KDM4B: variants seen among roughly 807,000 people sequenced by gnomAD.
The protein encoded by KDM4B is lysine-specific demethylase 4B.
Under a neutral mutation model 125.2 loss-of-function variants are expected in KDM4B, and 32 were observed. The observed-to-expected ratio is 0.26, with a 90% confidence interval of 0.19 to 0.34. The LOEUF is 0.34. Ranked by LOEUF, KDM4B falls within the 10% of genes least tolerant of loss-of-function variation. The pLI, the probability that KDM4B is intolerant of heterozygous loss-of-function variation, is 1.00. For missense variants in KDM4B, 1,190 were observed against 1,577.7 expected, an observed-to-expected ratio of 0.75 and a Z score of 4.16; for synonymous variants, 721 against 677.9, an observed-to-expected ratio of 1.06 and a Z score of -0.99.
chr19:5,007,150 A>T (rs2035586502), intron 1 of KDM4B, among the ~76,000 whole-genome samples: 1 of 152,182 alleles, frequency 6.6e-6, no homozygotes, highest in African/African-American at 2.4e-5. Context: ...TCCATCTCCC[A>T]TTTGAGAGTT....
chr19:5,000,018 T>TATCC (rs1196720066), intron 1 of KDM4B, among the ~76,000 whole-genome samples: 6 of 82,372 alleles, frequency 7.3e-5, no homozygotes, highest in Non-Finnish European at 1.1e-4. Flanking sequence ...CCTATCCATC[T>TATCC]ATCCATCCAT....
At chr19:5,025,467 C>A (rs1327322059) in intron 2 of KDM4B, among the ~76,000 whole-genome samples, 1 of 152,252 alleles carries the variant, frequency 6.6e-6, no homozygotes, top group Non-Finnish European at 1.5e-5. Flanking sequence ...GGTTGCATGC[C>A]CTGGAAGCCA....
chr19:5,026,240 C>T (rs538827133), intron 2 of KDM4B, among the ~76,000 whole-genome samples: 2 of 150,262 alleles, frequency 1.3e-5, no homozygotes, highest in Non-Finnish European at 3.0e-5. Context: ...GTCCCCCAGC[C>T]AGGAGCAGCT....
chr19:5,110,512 G>T (rs2039119155), intron 9 of KDM4B, 110 bp from the exon 10 acceptor site: 2 of 962,278 alleles, frequency 2.1e-6, no homozygotes, highest in East Asian at 4.9e-5. Context: ...TCAGCGGTGG[G>T]ATGGGGTGTG....
chr19:5,136,853 A>C (rs577255841), intron 15 of KDM4B, among the ~76,000 whole-genome samples: 2 of 152,098 alleles, frequency 1.3e-5, no homozygotes, highest in African/African-American at 4.8e-5. Context: ...TTCCAGACCC[A>C]GGGCCACATC....
At chr19:5,133,213 G>A (rs1335433107) in intron 13 of KDM4B, among the ~76,000 whole-genome samples, 1 of 152,168 alleles carries the variant, frequency 6.6e-6, no homozygotes, top group Non-Finnish European at 1.5e-5. Flanking sequence ...GAGTTCAATG[G>A]GAACAGGCAA....
chr19:5,096,791 G>A (rs2038834942), intron 9 of KDM4B, among the ~76,000 whole-genome samples: 1 of 148,186 alleles, frequency 6.7e-6, no homozygotes, highest in East Asian at 2.0e-4. Flanking sequence ...CCTGCCTGGT[G>A]GAGGAGGTGT....
chr19:5,044,627 C>T (rs1056790249), intron 5 of KDM4B, among the ~76,000 whole-genome samples: 3 of 152,184 alleles, frequency 2.0e-5, no homozygotes, highest in African/African-American at 7.2e-5. Flanking sequence ...CAGCTCTCTG[C>T]AACCTTGCCT....
At chr19:4,983,001 G>A (rs1200721115) in intron 1 of KDM4B, among the ~76,000 whole-genome samples, 1 of 152,170 alleles carries the variant, frequency 6.6e-6, no homozygotes, top group Non-Finnish European at 1.5e-5. Flanking sequence ...GAGTTAAAAG[G>A]TGAAGAGAAA....
intron 1 of KDM4B, among the ~76,000 whole-genome samples, chr19:4,984,257 G>T (rs1048305397): frequency 6.6e-6 from 1 of 152,122 alleles, no homozygotes; most frequent in Non-Finnish European, 1.5e-5. Context: ...TTTTTCTCTG[G>T]GCTTGTTTCT....
At chr19:5,146,693 G>A (rs1209041521) in intron 21 of KDM4B, among the ~76,000 whole-genome samples, 2 of 151,110 alleles carry the variant, frequency 1.3e-5, no homozygotes, top group Non-Finnish European at 2.9e-5. Context: ...TTGGGAGGCC[G>A]AGGCAGGAGG....
intron 2 of KDM4B, 61 bp from the exon 3 acceptor site, chr19:5,032,805 G>A (rs1482458814): frequency 1.3e-5 from 19 of 1,472,614 alleles, no homozygotes; most frequent in Admixed American, 1.9e-5. Flanking sequence ...GAGGGAGGAC[G>A]GGCTCCAAGG....
chr19:5,129,238 G>A (rs1048863388), intron 11 of KDM4B, among the ~76,000 whole-genome samples: 3 of 152,156 alleles, frequency 2.0e-5, no homozygotes, highest in Non-Finnish European at 4.4e-5. Context: ...TGTGGGCTGG[G>A]GGCCCCTTGT....
intron 9 of KDM4B, among the ~76,000 whole-genome samples, chr19:5,108,948 C>T (rs1182928397): frequency 6.6e-6 from 1 of 152,208 alleles, no homozygotes; most frequent in African/African-American, 2.4e-5. Flanking sequence ...TGGCCCTCCC[C>T]CATGCCTGTG....
At chr19:4,983,017 G>A (rs2034698657) in intron 1 of KDM4B, among the ~76,000 whole-genome samples, 1 of 152,044 alleles carries the variant, frequency 6.6e-6, no homozygotes, top group Admixed American at 6.6e-5. Context: ...AGAAATGGGG[G>A]AAATTAATTA....
intron 13 of KDM4B, among the ~76,000 whole-genome samples, chr19:5,133,380 T>A (rs1405315855): frequency 6.6e-6 from 1 of 152,166 alleles, no homozygotes; most frequent in Non-Finnish European, 1.5e-5. Flanking sequence ...GGCACCTCCC[T>A]TGAGTTCAGT....
chr19:5,068,697 G>A lies in KDM4B; in HGVS notation c.627-2313G>A, dbSNP rs567033569. On this transcript the variant is annotated intron_variant, in intron 6 of 22. Coordinates refer to ENST00000159111, the MANE Select transcript of KDM4B (RefSeq NM_015015.3). ...CTCGCTGTTGGGCACTGGCGGTGGC[G>A]GAGCCCAGAAGTCTCCGTGGCTGCC... is the stretch of plus-strand genomic sequence containing the variant. Among the ~76,000 whole-genome samples, 66 of 152,316 alleles carry A rather than the reference G, an allele frequency of 4.3e-4. 1 individual carries two copies. The South Asian group carries it at 9.3e-3, about 22-fold the overall frequency.
At chr19:5,096,917 C>T (rs1360925512) in intron 9 of KDM4B, among the ~76,000 whole-genome samples, 2 of 152,172 alleles carry the variant, frequency 1.3e-5, no homozygotes, top group Non-Finnish European at 2.9e-5. Flanking sequence ...CTGAGGGAAA[C>T]CTGTGAGTGA....
Position 4,971,053 on chromosome 19 carries a change from G to T in KDM4B, c.-109+1823G>T, listed in dbSNP as rs2034241013. Among the ~76,000 whole-genome samples, 1 of 152,184 alleles carries T rather than the reference G, an allele frequency of 6.6e-6. No individual in the cohort carries two copies. Among genetic ancestry groups the T allele is most frequent in the Non-Finnish European group, 1.5e-5 (1 of 68,032 alleles). On this transcript the variant is annotated intron_variant, in intron 1 of 22. Coordinates refer to ENST00000159111, the MANE Select transcript of KDM4B (RefSeq NM_015015.3). This position sits in a 1 kb window ranked among gnomAD's most constrained non-coding sequence, Gnocchi z 4.1. ...GGCTGTTTTGGTGGAAGCGTCTACT[G>T]TGTCAGGAGCTGCGGGTGCCTGCGT...
Sources: allele counts gnomAD v4.1 joint callset (sites outside exome capture counted in the v4.1 genomes callset), GRCh38; gene constraint gnomAD v4.1.1; non-coding constraint Gnocchi (gnomAD v3.1); transcripts MANE v1.5; gene names NCBI Gene and HGNC (gene_info 2026-07-23, HGNC 2026-07-21).